The following BCAS1 variants were observed in gnomAD, a reference collection of about 807,000 sequenced individuals.
BCAS1 encodes the protein breast carcinoma-amplified sequence 1.
BCAS1 carries 46 observed loss-of-function variants against 65.4 expected under a neutral mutation model. The observed-to-expected ratio is 0.70, with a 90% CI of 0.55 to 0.90. The LOEUF (loss-of-function observed/expected upper bound fraction) is 0.90, where lower values mean the gene tolerates loss of function less well. BCAS1 is among the 40% of genes least tolerant of loss of function. BCAS1 has a pLI of 0.00. For synonymous variants in BCAS1, 298 were observed against 293.5 expected, an observed-to-expected ratio of 1.02 and a Z score of -0.16; for missense variants, 793 against 771.2, an observed-to-expected ratio of 1.03 and a Z score of -0.33.
At chr20:54,066,363 G>T (rs537812668) in intron 1 of BCAS1, among the ~76,000 whole-genome samples, 1 of 152,160 alleles carries the variant, frequency 6.6e-6, no homozygotes, top group Non-Finnish European at 1.5e-5. Flanking sequence ...TGAGCCACCG[G>T]GCCCGGCCGA....
At chr20:54,069,625 C>T (rs2092490289) in intron 1 of BCAS1, among the ~76,000 whole-genome samples, 2 of 152,204 alleles carry the variant, frequency 1.3e-5, no homozygotes, top group Non-Finnish European at 1.5e-5. Flanking sequence ...ACGATGGTAA[C>T]AGCGAAAACA....
intron 3 of BCAS1, among the ~76,000 whole-genome samples, chr20:54,044,974 G>C (rs2092073746): frequency 6.6e-6 from 1 of 152,064 alleles, no homozygotes; most frequent in Non-Finnish European, 1.5e-5. Context: ...AATGTGGGAG[G>C]CCAAGGAGGG....
intron 4 of BCAS1, among the ~76,000 whole-genome samples, chr20:54,012,679 G>A (rs550583953): frequency 1.3e-5 from 2 of 152,264 alleles, no homozygotes; most frequent in Admixed American, 6.5e-5. Context: ...CATGATAACC[G>A]TAAAAATGAT....
chr20:54,019,493 G>A (rs191332442), intron 4 of BCAS1, among the ~76,000 whole-genome samples: 2 of 152,266 alleles, frequency 1.3e-5, no homozygotes, highest in East Asian at 1.9e-4. Context: ...GTACTATCAC[G>A]CTGGTTAACA....
chr20:53,960,205 G>A (rs1388794745), intron 10 of BCAS1, among the ~76,000 whole-genome samples: 1 of 152,140 alleles, frequency 6.6e-6, no homozygotes, highest in Non-Finnish European at 1.5e-5. Context: ...ACCTTCTAGA[G>A]AATAAAGTTC....
chr20:54,066,067 TA>T (rs2092436320), intron 1 of BCAS1, among the ~76,000 whole-genome samples: 4 of 149,652 alleles, frequency 2.7e-5, no homozygotes, highest in South Asian at 2.1e-4. Context: ...ATGAGGCAGG[TA>T]TTTTTTTTCT....
At chr20:54,006,357 G>A (rs2091189530) in intron 4 of BCAS1, among the ~76,000 whole-genome samples, 1 of 152,224 alleles carries the variant, frequency 6.6e-6, no homozygotes, top group South Asian at 2.1e-4. Context: ...GGTCAAGGCA[G>A]AGCTTGGTTC....
intron 7 of BCAS1, among the ~76,000 whole-genome samples, chr20:53,988,453 C>T (rs1258470949): frequency 1.3e-5 from 2 of 152,222 alleles, no homozygotes; most frequent in Non-Finnish European, 2.9e-5. Flanking sequence ...GTGACAGACA[C>T]TGTTTTAAGC....
chr20:54,020,157 C>T (rs1009659036), intron 4 of BCAS1, among the ~76,000 whole-genome samples: 15 of 152,126 alleles, frequency 9.9e-5, no homozygotes, highest in Non-Finnish European at 1.9e-4. Context: ...GTGTGGGCAT[C>T]GGTGACCAAT....
At chr20:53,957,682 C>A (rs1355430882) in intron 10 of BCAS1, among the ~76,000 whole-genome samples, 185 bp from the exon 11 acceptor site, 1 of 152,158 alleles carries the variant, frequency 6.6e-6, no homozygotes, top group East Asian at 1.9e-4. Context: ...CTAACCAGAT[C>A]TAATTAAATT....
chr20:53,987,585 A>G (rs747306174), intron 7 of BCAS1, among the ~76,000 whole-genome samples: 17 of 152,228 alleles, frequency 1.1e-4, no homozygotes, highest in Non-Finnish European at 2.2e-4. Flanking sequence ...AGTGTCCTCT[A>G]TGAGCCATGA....
At chr20:53,969,306 A>C (rs944982832) in intron 9 of BCAS1, among the ~76,000 whole-genome samples, 4 of 152,150 alleles carry the variant, frequency 2.6e-5, no homozygotes, top group Non-Finnish European at 4.4e-5. Context: ...TGTTAGAGCT[A>C]TTTAGTCCAT....
rs564395496 is a variant in BCAS1, at chr20:53,953,609, C to G, written c.1638G>C (p.Lys546Asn). The change falls in exon 12 of 13, where the codon AAG becomes AAC. Residue 546 changes from lysine (K) to asparagine (N), a missense_variant. Coordinates refer to ENST00000688948, the MANE Select transcript of BCAS1 (RefSeq NM_001366298.2). ...APQKGKEGSSKDKKSAAEMNK... is the reference protein window; with the variant it reads ...APQKGKEGSSNDKKSAAEMNK... ...TCATCTCGGCTGCTGACTTCTTGTC[C>G]TTCGAGGAGCCCTCTTTACCCTTCT... The G allele has an allele frequency of 1.2e-6, 2 of 1,613,842 alleles. No individual in the cohort carries two copies. The highest frequency in any genetic ancestry group is 1.1e-5 in the South Asian group (1 of 91,060).
intron 4 of BCAS1, among the ~76,000 whole-genome samples, chr20:54,024,638 G>T (rs1480278994): frequency 6.6e-6 from 1 of 152,140 alleles, no homozygotes; most frequent in South Asian, 2.1e-4. Flanking sequence ...GTGAACCCTG[G>T]GGAAGTCCAA....
At chr20:53,994,990 A>G (rs778052336) in intron 6 of BCAS1, 22 bp downstream of exon 6, 1 of 1,608,868 alleles carries the variant, frequency 6.2e-7, no homozygotes, top group Non-Finnish European at 8.5e-7. Flanking sequence ...AAATATATAC[A>G]TACACACTTC....
At chr20:53,948,452 C>T (rs2089403821) in intron 12 of BCAS1, among the ~76,000 whole-genome samples, 1 of 152,174 alleles carries the variant, frequency 6.6e-6, no homozygotes, top group Non-Finnish European at 1.5e-5. Context: ...TGGACAGGTC[C>T]TGCCACAATG....
chr20:54,046,257 C>T (rs563747226), intron 3 of BCAS1, among the ~76,000 whole-genome samples: 4 of 152,106 alleles, frequency 2.6e-5, no homozygotes, highest in Non-Finnish European at 4.4e-5. Flanking sequence ...GGGCCGGGTG[C>T]GGTGGCTCAT....
At chr20:54,014,533 T>C (rs2091391319) in intron 4 of BCAS1, among the ~76,000 whole-genome samples, 1 of 152,226 alleles carries the variant, frequency 6.6e-6, no homozygotes, top group Non-Finnish European at 1.5e-5. Flanking sequence ...TAAAAAGCCT[T>C]GTCTGGAATG....
rs114121088 is a variant in BCAS1, at chr20:54,012,568, G to A, written c.723+15824C>T. On this transcript the variant is annotated intron_variant, in intron 4 of 12. Transcript: ENST00000688948. ...TTGGGATCTGCAGTTAAATAAATTCGCATGTGGTTTTAACATGTGAAATTA... is the reference window on the plus strand; with the variant it reads ...TTGGGATCTGCAGTTAAATAAATTCACATGTGGTTTTAACATGTGAAATTA... Among the ~76,000 whole-genome samples the A allele has an allele frequency of 3.0e-3, 457 of 151,520 alleles. 3 individuals carry two copies. Among genetic ancestry groups the A allele is most frequent in the African/African-American group, 0.011 (437 of 41,258 alleles).
Sources: allele counts gnomAD v4.1 joint callset (sites outside exome capture counted in the v4.1 genomes callset), GRCh38; gene constraint gnomAD v4.1.1; transcripts MANE v1.5; gene names NCBI Gene and HGNC (gene_info 2026-07-23, HGNC 2026-07-21).